The following FGF14 variants were observed in gnomAD, a reference collection of about 807,000 sequenced individuals.
The protein encoded by FGF14 is fibroblast growth factor 14, also known as fibroblast growth factor homologous factor 4.
A neutral mutation model predicts 25.5 loss-of-function variants in FGF14; 5 were observed. The observed-to-expected ratio is 0.20, with a 90% CI of 0.10 to 0.41. FGF14 has a LOEUF of 0.41. Ranked by LOEUF, FGF14 falls within the 10% of genes least tolerant of loss-of-function variation. The probability of loss-of-function intolerance (pLI) is 1.00; values close to 1 mark genes in which losing one functional copy is unlikely to be tolerated. For missense variants in FGF14, 222 were observed against 320.1 expected, an observed-to-expected ratio of 0.69 and a Z score of 2.34; for synonymous variants, 138 against 118.3, an observed-to-expected ratio of 1.17 and a Z score of -1.08.
intron 3 of FGF14, among the ~76,000 whole-genome samples, chr13:101,867,896 A>G (rs1247924938): frequency 8.8e-6 from 1 of 113,992 alleles, no homozygotes; most frequent in Non-Finnish European, 1.7e-5. Context: ...TAAGACACAC[A>G]CACACACACA....
intron 1 of FGF14, among the ~76,000 whole-genome samples, chr13:102,392,652 CAGA>C (rs2058460298): frequency 1.3e-5 from 2 of 152,270 alleles, no homozygotes; most frequent in South Asian, 4.1e-4. Flanking sequence ...GGCAAATGGC[CAGA>C]AGACTAGCTC....
intron 3 of FGF14, among the ~76,000 whole-genome samples, chr13:101,747,297 T>C (rs890391640): frequency 1.3e-5 from 2 of 152,016 alleles, no homozygotes; most frequent in African/African-American, 4.8e-5. Flanking sequence ...TAGGTACCCA[T>C]TAACTAGCAA....
intron 1 of FGF14, among the ~76,000 whole-genome samples, chr13:102,361,353 GA>G (rs1042366398): frequency 2.6e-5 from 4 of 152,138 alleles, no homozygotes; most frequent in African/African-American, 7.2e-5. Flanking sequence ...GAGAAGAACG[GA>G]AGTTAACCTG....
chr13:102,353,232 T>C (rs2057337726), intron 1 of FGF14, among the ~76,000 whole-genome samples: 1 of 152,214 alleles, frequency 6.6e-6, no homozygotes, highest in African/African-American at 2.4e-5. Context: ...CTTCTTGTTT[T>C]TCTGTCTTGC....
At chr13:101,969,841 C>G (rs992869342) in intron 1 of FGF14, among the ~76,000 whole-genome samples, 5 of 152,254 alleles carry the variant, frequency 3.3e-5, no homozygotes, top group African/African-American at 9.6e-5. Context: ...CTCTATTGTT[C>G]TAGTCTACAA....
intron 1 of FGF14, among the ~76,000 whole-genome samples, chr13:102,140,274 A>G (rs1268938936): frequency 6.6e-6 from 1 of 152,194 alleles, no homozygotes; most frequent in Non-Finnish European, 1.5e-5. Context: ...CCAATACAGT[A>G]TCTGGTATAT....
At chr13:101,880,240 T>G (rs1281164514) in intron 1 of FGF14, among the ~76,000 whole-genome samples, 2 of 152,124 alleles carry the variant, frequency 1.3e-5, no homozygotes, top group Non-Finnish European at 2.9e-5. Flanking sequence ...ATCAGAATCC[T>G]ATGTCTGCAG....
At chr13:101,845,080 A>G (rs1385687106) in intron 3 of FGF14, among the ~76,000 whole-genome samples, 1 of 152,038 alleles carries the variant, frequency 6.6e-6, no homozygotes, top group African/African-American at 2.4e-5. Flanking sequence ...TGCCCTTGTT[A>G]GTACTTTGCA....
intron 3 of FGF14, among the ~76,000 whole-genome samples, chr13:101,815,640 A>G (rs1283280438): frequency 6.6e-6 from 1 of 150,562 alleles, no homozygotes; most frequent in East Asian, 1.9e-4. Context: ...ACTCCCTTCA[A>G]TGACTTAAAA....
At position 102,146,884 on chromosome 13, in the gene FGF14, G is replaced by C. The variant is rs140903297; in HGVS notation, c.208+254587C>G. ...GGGAAGACATCACATAAAATAACAG[G>C]GCCCATGAGGGAAAAGAATAAAGTC... On this transcript the variant is annotated intron_variant, in intron 1 of 4. Coordinates refer to the FGF14 transcript ENST00000376131. Among the ~76,000 whole-genome samples the C allele has an allele frequency of 4.9e-3, 747 of 152,168 alleles. 18 individuals are homozygous for C. Among genetic ancestry groups the C allele is most frequent in the Non-Finnish European group, 2.6e-3 (180 of 68,008 alleles).
At chr13:101,884,356 T>C (rs1052952310) in intron 1 of FGF14, among the ~76,000 whole-genome samples, 2 of 152,052 alleles carry the variant, frequency 1.3e-5, no homozygotes, top group Non-Finnish European at 2.9e-5. Context: ...CTGAAGATGA[T>C]GACATGTCAT....
At chr13:101,905,130 A>G (rs1394874070) in intron 1 of FGF14, among the ~76,000 whole-genome samples, 3 of 152,224 alleles carry the variant, frequency 2.0e-5, no homozygotes, top group African/African-American at 7.2e-5. Context: ...GAGTGGAGGC[A>G]GATCTGGAGA....
intron 1 of FGF14, among the ~76,000 whole-genome samples, chr13:102,006,724 C>T (rs2039809800): frequency 7.1e-5 from 7 of 97,982 alleles, no homozygotes; most frequent in Admixed American, 1.2e-4. Context: ...CAAAATCTTA[C>T]TTCTTTTTTT....
Position 101,916,471 on chromosome 13 carries a change from G to C in FGF14, c.175C>G (p.Arg59Gly), listed in dbSNP as rs770377611. The C allele has an allele frequency of 1.6e-5, 26 of 1,613,810 alleles. No individual in the cohort carries two copies. The highest frequency in any genetic ancestry group is 1.9e-5 in the Non-Finnish European group (23 of 1,179,932). ...SKVRIFGLKK[R>G]RLRRQDPQLK... ...CACAGACCTTGGCGCCGCAACCTGCGCTTCTTGAGGCCGAAGATGCGCACT... is the reference window on the plus strand; with the variant it reads ...CACAGACCTTGGCGCCGCAACCTGCCCTTCTTGAGGCCGAAGATGCGCACT... The change falls in exon 1 of 5, where the codon CGC (arginine) becomes GGC (glycine). Residue 59 changes from arginine (R) to glycine (G), a missense_variant. Around this residue, in one of 5 missense-constraint regions of FGF14, gnomAD observed 80 missense variants for 72.2 expected, o/e 1.11. Coordinates refer to ENST00000376143, the MANE Select transcript of FGF14 (RefSeq NM_004115.4).
intron 3 of FGF14, among the ~76,000 whole-genome samples, chr13:101,741,833 G>A (rs571769725): frequency 5.9e-5 from 9 of 152,238 alleles, no homozygotes; most frequent in Admixed American, 5.2e-4. Context: ...TAAAAGGTGG[G>A]CCCCCTAAGG....
At chr13:101,958,820 C>T (rs2139442222) in intron 1 of FGF14, among the ~76,000 whole-genome samples, 1 of 152,314 alleles carries the variant, frequency 6.6e-6, no homozygotes, top group Admixed American at 6.5e-5. Flanking sequence ...ATGACAAAAT[C>T]AAGGTCACTG....
chr13:101,735,670 GA>G lies in FGF14; in HGVS notation c.409-8861del, dbSNP rs548510485. ...CCTGGATTGCCAATTATCCCCATAG[GA>G]AAAAAAAAAAAAAAGCTCATTGTTG... On this transcript the variant is annotated intron_variant, in intron 3 of 4. Coordinates refer to ENST00000376143, the MANE Select transcript of FGF14 (RefSeq NM_004115.4). Among the ~76,000 whole-genome samples the G allele has an allele frequency of 3.5e-3, 450 of 127,772 alleles. 1 individual carries two copies. Among genetic ancestry groups the G allele is most frequent in the Middle Eastern group, 0.012 (3 of 260 alleles). The allele number at this position is 127,772 out of a possible 152,430, so 83.8% of individuals were successfully genotyped here.
chr13:102,244,568 A>T (rs1218519447), intron 1 of FGF14, among the ~76,000 whole-genome samples: 1 of 152,076 alleles, frequency 6.6e-6, no homozygotes, highest in East Asian at 1.9e-4. Context: ...TGTCATGTGA[A>T]TCTATATGAA....
chr13:101,952,994 A>G (rs2036271303), intron 1 of FGF14, among the ~76,000 whole-genome samples: 1 of 152,088 alleles, frequency 6.6e-6, no homozygotes, highest in Admixed American at 6.5e-5. Flanking sequence ...AGATTGCACC[A>G]CTGCACTCCA....
Sources: allele counts gnomAD v4.1 joint callset (sites outside exome capture counted in the v4.1 genomes callset), GRCh38; gene constraint gnomAD v4.1.1; regional missense constraint gnomAD v4.1.1; transcripts MANE v1.5; gene names NCBI Gene and HGNC (gene_info 2026-07-23, HGNC 2026-07-21).